C1orf232: variants seen among roughly 807,000 people sequenced by gnomAD.
C1orf232 encodes chromosome 1 open reading frame 230.
Under a neutral mutation model 12.1 loss-of-function variants are expected in C1orf232, and 10 were observed. The ratio of observed to expected loss-of-function variants is 0.82; its 90% CI spans 0.51 to 1.40. The LOEUF (loss-of-function observed/expected upper bound fraction) is 1.40. C1orf232 is among the 40% of genes most tolerant of loss of function. C1orf232 has a pLI of 0.00. For synonymous variants in C1orf232, 36 were observed against 39.8 expected (o/e 0.90, Z 0.36); for missense variants, 88 against 98.4 (o/e 0.89, Z 0.45).
chr1:26,168,511 G>T lies in C1orf232; in HGVS notation c.-12C>A. The T allele has an allele frequency of 8.1e-7, 1 of 1,231,886 alleles. No individual in the cohort carries two copies. The highest frequency in any genetic ancestry group is 3.2e-5 in the East Asian group (1 of 31,708). 76.3% of individuals were successfully genotyped at this position (1,231,886 alleles called of 1,614,324 possible). On this transcript the variant is annotated 5_prime_UTR_variant, in exon 1 of 4. Coordinates refer to ENST00000634842, the MANE Select transcript of C1orf232 (RefSeq NM_001364669.2). ...AAGGCCTGGTTCATGGCTGCAGGGG[G>T]AAGGGGCCTGGCACGCAAGCACAGG...
At chr1:26,166,338 CGT>C (rs138089817) in intron 1 of C1orf232, among the ~76,000 whole-genome samples, 2,526 of 151,700 alleles carry the variant, frequency 0.017, 62 homozygotes, top group African/African-American at 0.048. Context: ...TTTGTGTGTG[CGT>C]GTGTGTGTGT....
At chr1:26,165,177 G>C (rs1437086174) in intron 3 of C1orf232, among the ~76,000 whole-genome samples, 1 of 151,928 alleles carries the variant, frequency 6.6e-6, no homozygotes, top group African/African-American at 2.4e-5. Context: ...GACCCTAGGA[G>C]AAAAGAATAG....
Position 26,166,054 on chromosome 1 carries a change from A to T in C1orf232, c.149T>A (p.Met50Lys). The T allele has an allele frequency of 8.1e-7, 1 of 1,231,724 alleles. No individual in the cohort carries two copies. The highest frequency in any genetic ancestry group is 1.0e-6 in the Non-Finnish European group (1 of 988,026). The allele number at this position is 1,231,724 out of a possible 1,614,324, so 76.3% of individuals were successfully genotyped here. A position where few individuals can be genotyped will look rare whatever the true frequency, so the allele number is the denominator to read the frequency against. Residue 50 changes from methionine (M) to lysine (K), a missense_variant, in exon 2 of 4, where the codon ATG (methionine) becomes AAG (lysine). Met to Lys is a moderately conservative substitution (Grantham distance 95, BLOSUM62 -1). Coordinates refer to ENST00000634842, the MANE Select transcript of C1orf232 (RefSeq NM_001364669.2). ...AEPTEETFNPMSQLARRVQGV... is the reference protein window; with the variant it reads ...AEPTEETFNPKSQLARRVQGV... Reference sequence around the variant, plus strand: ...ACTCACCCGGCGGGCCAGCTGTGACATGGGATTGAAGGTCTCCTCGGTCGG... The same window carrying T: ...ACTCACCCGGCGGGCCAGCTGTGACTTGGGATTGAAGGTCTCCTCGGTCGG...
Position 26,164,723 on chromosome 1 carries a change from C to G in C1orf232, c.267-268G>C, listed in dbSNP as rs1223139540. Among the ~76,000 whole-genome samples the G allele has an allele frequency of 2.6e-5, 4 of 151,898 alleles. No homozygotes were observed. In the East Asian group the frequency reaches 7.8e-4, roughly 29 times the overall value. ...GGCGAGGGATGTGGAGGGAGGGGAC[C>G]GGGATCAGGATCCCTGGGGAGAGAA... On this transcript the variant is annotated intron_variant, in intron 3 of 3. Coordinates refer to ENST00000634842, the MANE Select transcript of C1orf232 (RefSeq NM_001364669.2). This position sits in a 1 kb window ranked among gnomAD's most constrained non-coding sequence, Gnocchi z 4.2.
intron 1 of C1orf232, among the ~76,000 whole-genome samples, chr1:26,166,890 A>G (rs970028451): frequency 6.6e-6 from 1 of 152,156 alleles, no homozygotes; most frequent in African/African-American, 2.4e-5. Context: ...TCTCCACCCA[A>G]CCACAGATAC....
chr1:26,168,591 C>A lies in C1orf232; in HGVS notation c.-92G>T. The A allele has an allele frequency of 1.2e-6, 1 of 837,892 alleles. No homozygotes were observed. Among genetic ancestry groups the A allele is most frequent in the Non-Finnish European group, 1.6e-6 (1 of 628,570 alleles). The allele number at this position is 837,892 out of a possible 1,614,324, so 51.9% of individuals were successfully genotyped here. On this transcript the variant is annotated 5_prime_UTR_variant, in exon 1 of 4. Transcript: ENST00000634842. ...TCTGGCTCTAGGAACTTGGTGAGGC[C>A]AAGAGCCTGTCCGAGGGATCCAGTG... is the stretch of plus-strand genomic sequence containing the variant.
chr1:26,165,743 A>G (rs1433210467), intron 3 of C1orf232, 83 bp downstream of exon 3: 9 of 1,231,534 alleles, frequency 7.3e-6, no homozygotes, highest in Non-Finnish European at 9.1e-6. Flanking sequence ...GGTTAGAAAG[A>G]CAAACAAACC....
At position 26,166,065 on chromosome 1, in the gene C1orf232, G is replaced by A. The variant is rs1180347577; in HGVS notation, c.138C>T (p.Thr46=). 1 of 1,231,522 alleles carries A rather than the reference G, an allele frequency of 8.1e-7. No individual in the cohort carries two copies. 76.3% of individuals were successfully genotyped at this position (1,231,522 alleles called of 1,614,324 possible). A position where few individuals can be genotyped will look rare whatever the true frequency, so the allele number is the denominator to read the frequency against. The change falls in exon 2 of 4, where the codon ACC becomes ACT. Residue 46 remains threonine (T), a synonymous_variant. Coordinates refer to ENST00000634842, the MANE Select transcript of C1orf232 (RefSeq NM_001364669.2). ...GGGCCAGCTGTGACATGGGATTGAAGGTCTCCTCGGTCGGTTCTGCTGTCT... is the reference window on the plus strand; with the variant it reads ...GGGCCAGCTGTGACATGGGATTGAAAGTCTCCTCGGTCGGTTCTGCTGTCT... ...GSETAEPTEE[T]FNPMSQLARR...
In C1orf232 at chr1:26,164,430, G is replaced by A; in HGVS notation, c.292C>T (p.Gln98Ter). Residue 98 changes from glutamine (Q) to a stop codon, truncating the protein, a stop_gained, in exon 4 of 4, where the codon CAG (glutamine) becomes TAG (stop). Transcript: ENST00000634842. LOFTEE classifies it high-confidence loss of function. The surrounding 1 kb of genome is among the most constrained non-coding windows in gnomAD (Gnocchi z 4.2). ...DHPLAARPPS[Q>*]AAAAAEARGP... ...CGCGCCTCCGCCGCCGCCGCCGCCT[G>A]CGAGGGGGGTCGCGCCGCCAGAGGG... 1 of 380,396 alleles carries A rather than the reference G, an allele frequency of 2.6e-6. No individual in the cohort carries two copies. Among genetic ancestry groups the A allele is most frequent in the Non-Finnish European group, 4.7e-6 (1 of 214,532 alleles). 23.6% of individuals were successfully genotyped at this position (380,396 alleles called of 1,614,324 possible). A position where few individuals can be genotyped will look rare whatever the true frequency, so the allele number is the denominator to read the frequency against.
In C1orf232 at chr1:26,165,815, C is replaced by T. The variant is rs1000874576; in HGVS notation, c.266+11G>A. ...CCCTTCCAGAACCACCACAAACACA[C>T]ACGCACATACTGGTCAGCGCAAGGC... is the stretch of plus-strand genomic sequence containing the variant. On this transcript the variant is annotated intron_variant, in intron 3 of 3. Transcript: ENST00000634842. 4.7e-5 allele frequency: 58 copies of T among 1,231,790 alleles called. No individual in the cohort carries two copies. The highest frequency in any genetic ancestry group is 5.8e-5 in the Non-Finnish European group (57 of 988,042). 76.3% of individuals were successfully genotyped at this position (1,231,790 alleles called of 1,614,324 possible). A position where few individuals can be genotyped will look rare whatever the true frequency, so the allele number is the denominator to read the frequency against.
At position 26,164,265 on chromosome 1, in the gene C1orf232, G is replaced by T. The variant is rs578021009; in HGVS notation, c.457C>A (p.Arg153Ser). 16 of 398,294 alleles carry T rather than the reference G, an allele frequency of 4.0e-5. No individual in the cohort carries two copies. The highest frequency in any genetic ancestry group is 6.6e-5 in the Non-Finnish European group (15 of 225,914). 24.7% of individuals were successfully genotyped at this position (398,294 alleles called of 1,614,324 possible). Residue 153 changes from arginine (R) to serine (S), a missense_variant, in exon 4 of 4, where the codon CGC (arginine) becomes AGC (serine). Arg to Ser is a moderately radical substitution (Grantham distance 110). Coordinates refer to ENST00000634842, the MANE Select transcript of C1orf232 (RefSeq NM_001364669.2). This position sits in a 1 kb window ranked among gnomAD's most constrained non-coding sequence, Gnocchi z 4.2. Reference protein sequence around the residue: ...ADEAAEEAAERPESQEAEPVA... With the variant: ...ADEAAEEAAESPESQEAEPVA... ...GGCTCGGCCTCCTGCGACTCGGGGC[G>T]CTCTGCGGCCTCCTCCGCGGCCTCG...
intron 1 of C1orf232, among the ~76,000 whole-genome samples, chr1:26,166,473 C>T (rs749853503): frequency 6.6e-6 from 1 of 152,096 alleles, no homozygotes; most frequent in African/African-American, 2.4e-5. Flanking sequence ...CACCCACCAC[C>T]GCCCTGCTAA....
chr1:26,167,246 T>C (rs1397407936), intron 1 of C1orf232, among the ~76,000 whole-genome samples: 1 of 152,234 alleles, frequency 6.6e-6, no homozygotes, highest in African/African-American at 2.4e-5. Context: ...AAGTCTCACC[T>C]GTCACACAGG....
At position 26,164,141 on chromosome 1, in the gene C1orf232, C is replaced by A; in HGVS notation, c.*20G>T. Reference sequence around the variant, plus strand: ...TTTTATCAGGGGTGGGAGCAGCGGGCGCGGGGTTCTGCCAGCCTGCTAGTC... The same window carrying A: ...TTTTATCAGGGGTGGGAGCAGCGGGAGCGGGGTTCTGCCAGCCTGCTAGTC... On this transcript the variant is annotated 3_prime_UTR_variant, in exon 4 of 4. Transcript: ENST00000634842. This position sits in a 1 kb window ranked among gnomAD's most constrained non-coding sequence, Gnocchi z 4.2. 2 of 398,308 alleles carry A rather than the reference C, an allele frequency of 5.0e-6. No individual in the cohort carries two copies. The highest frequency in any genetic ancestry group is 8.9e-6 in the Non-Finnish European group (2 of 225,846). The allele number at this position is 398,308 out of a possible 1,614,324, so 24.7% of individuals were successfully genotyped here.
Position 26,165,883 on chromosome 1 carries a change from G to C in C1orf232, c.209C>G (p.Ser70Cys). ...ATCTTCATCTTCTTTGTTAAACAGAGATGACATTGTCAGCCAGCCTTTCAC... is the reference window on the plus strand; with the variant it reads ...ATCTTCATCTTCTTTGTTAAACAGACATGACATTGTCAGCCAGCCTTTCAC... ...VGVKGWLTMS[S>C]LFNKEDEDKL... Residue 70 changes from serine (S) to cysteine (C), a missense_variant, in exon 3 of 4, where the codon TCT becomes TGT. Physicochemically the swap from Ser to Cys is moderately radical, Grantham distance 112. Coordinates refer to ENST00000634842, the MANE Select transcript of C1orf232 (RefSeq NM_001364669.2). 8.1e-7 allele frequency: 1 copy of C among 1,231,788 alleles called. No homozygotes were observed. Among genetic ancestry groups the C allele is most frequent in the Non-Finnish European group, 1.0e-6 (1 of 988,032 alleles). The allele number at this position is 1,231,788 out of a possible 1,614,324, so 76.3% of individuals were successfully genotyped here.
rs951615579 is a variant in C1orf232 at position 26,164,164 on chromosome 1, G to A, written c.558C>T (p.Asp186=). The part of the protein sequence containing the change: ...EMRVKAAPKG[D] ...GGCGCGGGGTTCTGCCAGCCTGCTA[G>A]TCACCCTTGGGCGCAGCCTTCACCC... The change falls in exon 4 of 4, where the codon GAC becomes GAT. Residue 186 remains aspartate, a synonymous_variant. Transcript: ENST00000634842. This position sits in a 1 kb window ranked among gnomAD's most constrained non-coding sequence, Gnocchi z 4.2. 4 of 398,384 alleles carry A rather than the reference G, an allele frequency of 1.0e-5. No individual in the cohort carries two copies. In the South Asian group the frequency reaches 3.8e-4, roughly 38 times the overall value. 24.7% of individuals were successfully genotyped at this position (398,384 alleles called of 1,614,324 possible). A position where few individuals can be genotyped will look rare whatever the true frequency, so the allele number is the denominator to read the frequency against.
chr1:26,167,499 A>AT (rs1369903100), intron 1 of C1orf232, among the ~76,000 whole-genome samples: 1 of 151,780 alleles, frequency 6.6e-6, no homozygotes, highest in Non-Finnish European at 1.5e-5. Flanking sequence ...TAATTTTTGT[A>AT]TTTTTAGTAG....
At chr1:26,168,321 C>T (rs2088447858) in intron 1 of C1orf232, 95 bp downstream of exon 1, 2 of 905,914 alleles carry the variant, frequency 2.2e-6, no homozygotes, top group Admixed American at 8.6e-5. Flanking sequence ...ATGTGGCCCC[C>T]CCACCTCCAA....
chr1:26,167,616 C>T (rs993689130), intron 1 of C1orf232, among the ~76,000 whole-genome samples: 1 of 151,802 alleles, frequency 6.6e-6, no homozygotes. Context: ...GAAGCCACTG[C>T]GCCTGGCCTG....
Sources: gnomAD v4.1 joint callset for allele counts (sites outside exome capture counted in the v4.1 genomes callset) on GRCh38, gnomAD v4.1.1 for gene constraint, Gnocchi (gnomAD v3.1) non-coding constraint, MANE v1.5 for transcripts, NCBI Gene and HGNC (gene_info 2026-07-23, HGNC 2026-07-21) for gene names.